Variants in ASH2L observed in about 807,000 individuals in gnomAD.
ASH2L encodes ASH2 like, histone lysine methyltransferase complex subunit, also known as set1/Ash2 histone methyltransferase complex subunit ASH2.
In ASH2L, 30 loss-of-function variants were observed where a neutral mutation model predicts 81.1. The observed-to-expected ratio is 0.37, with a 90% CI of 0.28 to 0.50. The LOEUF is 0.50. ASH2L is among the 20% of genes least tolerant of loss of function. ASH2L has a pLI of 0.95. For missense variants in ASH2L, 559 were observed against 792.1 expected (o/e 0.71, Z 3.53); for synonymous variants, 273 against 279.9 (o/e 0.98, Z 0.24).
In ASH2L at chr8:38,105,715, C is replaced by T. The variant is rs760594540; in HGVS notation, c.165C>T (p.Pro55=). 10 of 1,542,750 alleles carry T rather than the reference C, an allele frequency of 6.5e-6. No homozygotes were observed. The Admixed American group carries it at 1.7e-4, about 26-fold the overall frequency. Residue 55 remains proline (P), a synonymous_variant, in exon 1 of 16, where the codon CCC becomes CCT. Coordinates refer to ENST00000343823, the MANE Select transcript of ASH2L (RefSeq NM_004674.5). ...TCTCTGCTGCTCCGACAGTTGAGCC[C>T]AGTTCCGGGGAGGCTGAAGGCGGGT... ...EGISAAPTVE[P]SSGEAEGGEA...
chr8:38,119,187 G>C, intron 8 of ASH2L, 83 bp from the exon 9 acceptor site: 1 of 1,206,306 alleles, frequency 8.3e-7, no homozygotes, highest in Non-Finnish European at 1.2e-6. Context: ...TGCACATTGG[G>C]TGTGTTGGTC....
At position 38,139,301 on chromosome 8, in the gene ASH2L, C is replaced by G. The variant is rs182893542; in HGVS notation, c.*230C>G. On this transcript the variant is annotated 3_prime_UTR_variant, in exon 16 of 16. Transcript: ENST00000343823. ...TACCATAAGCCAACAACCGCTGACT[C>G]CAGGATTGCATAAGCCCCCTGTGAA... 1.8e-4 allele frequency: 86 copies of G among 472,836 alleles called. No individual in the cohort carries two copies. The highest frequency in any genetic ancestry group is 9.3e-4 in the Admixed American group (26 of 27,828). 29.3% of individuals were successfully genotyped at this position (472,836 alleles called of 1,614,324 possible).
chr8:38,110,307 G>A, intron 3 of ASH2L, 72 bp from the exon 4 acceptor site: 2 of 1,203,816 alleles, frequency 1.7e-6, no homozygotes, highest in Non-Finnish European at 1.2e-6. Context: ...GTGAGAGCCT[G>A]TCTTTAAAAA....
In ASH2L at chr8:38,128,247, C is replaced by A. The variant is rs1801931498; in HGVS notation, c.1166-44C>A. 2.5e-6 allele frequency: 4 copies of A among 1,609,496 alleles called. No individual in the cohort carries two copies. The South Asian group carries it at 4.4e-5, about 18-fold the overall frequency. On this transcript the variant is annotated intron_variant, in intron 10 of 15. Transcript: ENST00000343823. ...TTTTTGTGGCAATTGTCCCCAAGAACCTCAAATAAGTTGCAGGCCTTCTTT... is the reference window on the plus strand; with the variant it reads ...TTTTTGTGGCAATTGTCCCCAAGAAACTCAAATAAGTTGCAGGCCTTCTTT...
intron 10 of ASH2L, among the ~76,000 whole-genome samples, chr8:38,125,081 G>C (rs904783548): frequency 1.3e-5 from 2 of 152,060 alleles, no homozygotes; most frequent in African/African-American, 4.8e-5. Flanking sequence ...TGCTCTTGAG[G>C]TATCTGCCCT....
At chr8:38,137,109 C>T (rs1334519821) in intron 14 of ASH2L, among the ~76,000 whole-genome samples, 8 of 142,406 alleles carry the variant, frequency 5.6e-5, no homozygotes, top group Non-Finnish European at 1.2e-4. Context: ...AAAAAAAGGG[C>T]GGGGGTGGCG....
intron 2 of ASH2L, 95 bp downstream of exon 2, chr8:38,106,539 G>C: frequency 9.3e-7 from 1 of 1,069,960 alleles, no homozygotes; most frequent in Non-Finnish European, 1.3e-6. Flanking sequence ...ACGGAGCCTT[G>C]CTCTGTCGCC....
chr8:38,121,641 A>G (rs138759932), intron 10 of ASH2L, among the ~76,000 whole-genome samples: 1 of 152,216 alleles, frequency 6.6e-6, no homozygotes, highest in East Asian at 1.9e-4. Context: ...GCCATTGCTT[A>G]TCTTTCATGA....
chr8:38,122,734 T>C (rs915712082), intron 10 of ASH2L, among the ~76,000 whole-genome samples: 4 of 151,914 alleles, frequency 2.6e-5, no homozygotes, highest in Non-Finnish European at 5.9e-5. Context: ...ATCTACAATA[T>C]ATTTACTTTA....
chr8:38,139,001 C>T lies in ASH2L; in HGVS notation c.1817C>T (p.Thr606Ile). Reference sequence around the variant, plus strand: ...GGCTGGGGCGCCGTGGTAGAGCACACCCTGGCTGACGTCTTGTATCACGTG... The same window carrying T: ...GGCTGGGGCGCCGTGGTAGAGCACATCCTGGCTGACGTCTTGTATCACGTG... ...DMGWGAVVEH[T>I]LADVLYHVET... is the part of the protein sequence containing the mutation. The change falls in exon 16 of 16, where the codon ACC becomes ATC. Residue 606 changes from threonine (T) to isoleucine (I), a missense_variant. Transcript: ENST00000343823. 6.2e-7 allele frequency: 1 copy of T among 1,613,576 alleles called. No individual in the cohort carries two copies. The highest frequency in any genetic ancestry group is 8.5e-7 in the Non-Finnish European group (1 of 1,179,736).
intron 10 of ASH2L, among the ~76,000 whole-genome samples, chr8:38,125,120 C>T (rs565171209): frequency 2.8e-4 from 42 of 152,320 alleles, no homozygotes; most frequent in African/African-American, 1.0e-3. Flanking sequence ...CATCAGACCA[C>T]ACCTCCAACA....
Position 38,139,617 on chromosome 8 carries a change from A to G in ASH2L, c.*546A>G, listed in dbSNP as rs1432657502. On this transcript the variant is annotated 3_prime_UTR_variant, in exon 16 of 16. Coordinates refer to ENST00000343823, the MANE Select transcript of ASH2L (RefSeq NM_004674.5). ...ACACTGAGATCCGTAAAACTACTAG[A>G]TCTCTGGAAGTGTAATTGTGAAAGA... 1 of 152,494 alleles carries G rather than the reference A, an allele frequency of 6.6e-6. No individual in the cohort carries two copies. The highest frequency in any genetic ancestry group is 2.4e-5 in the African/African-American group (1 of 41,442). The allele number at this position is 152,494 out of a possible 1,614,324, so 9.4% of individuals were successfully genotyped here. A position where few individuals can be genotyped will look rare whatever the true frequency, so the allele number is the denominator to read the frequency against.
intron 7 of ASH2L, 96 bp downstream of exon 7, chr8:38,115,096 C>CACT: frequency 1.3e-6 from 1 of 791,002 alleles, no homozygotes; most frequent in Non-Finnish European, 2.2e-6. Flanking sequence ...CCACATAACA[C>CACT]ACTGCCATTA....
rs1810437185 is a variant in ASH2L at position 38,106,445 on chromosome 8, G to C, written c.255+1G>C. On this transcript the variant is annotated splice_donor_variant, in intron 2 of 15. Transcript: ENST00000343823. LOFTEE classifies it high-confidence loss of function. ...ATCATCTAATGGAAAAGATACACTA[G>C]TAAGTATTTTTAGTTGTTTGCAAGA... The C allele has an allele frequency of 6.2e-7, 1 of 1,609,474 alleles. No individual in the cohort carries two copies. The highest frequency in any genetic ancestry group is 8.5e-7 in the Non-Finnish European group (1 of 1,176,718).
intron 9 of ASH2L, 21 bp downstream of exon 9, chr8:38,119,384 G>C: frequency 1.3e-6 from 2 of 1,482,992 alleles, no homozygotes; most frequent in Non-Finnish European, 1.8e-6. Flanking sequence ...TGCCCACCCT[G>C]CCCCCCTCAC....
chr8:38,115,964 C>T (rs1299413627), intron 7 of ASH2L, among the ~76,000 whole-genome samples: 2 of 151,852 alleles, frequency 1.3e-5, no homozygotes, highest in African/African-American at 4.8e-5. Flanking sequence ...TGGTGGCTCA[C>T]GCCTGTAATC....
intron 2 of ASH2L, 139 bp from the exon 3 acceptor site, chr8:38,106,882 G>A: frequency 1.1e-6 from 1 of 933,062 alleles, no homozygotes; most frequent in Non-Finnish European, 1.5e-6. Flanking sequence ...TGTAATCCCA[G>A]CACTTTGGGA....
chr8:38,131,949 A>G (rs1467593385), intron 12 of ASH2L, among the ~76,000 whole-genome samples: 1 of 151,972 alleles, frequency 6.6e-6, no homozygotes, highest in Non-Finnish European at 1.5e-5. Flanking sequence ...CCCAGGTTCA[A>G]GCAATTCTCC....
At chr8:38,111,385 G>A (rs1161531269) in intron 5 of ASH2L, among the ~76,000 whole-genome samples, 1 of 152,044 alleles carries the variant, frequency 6.6e-6, no homozygotes, top group Non-Finnish European at 1.5e-5. Flanking sequence ...CACTGCACGT[G>A]GCCTCTTTTT....
Sources: allele counts gnomAD v4.1 joint callset (sites outside exome capture counted in the v4.1 genomes callset), GRCh38; gene constraint gnomAD v4.1.1; transcripts MANE v1.5; gene names NCBI Gene and HGNC (gene_info 2026-07-23, HGNC 2026-07-21).